ATP8A2: variants seen among roughly 807,000 people sequenced by gnomAD.
ATP8A2 encodes phospholipid-transporting ATPase IB.
In ATP8A2, 100 loss-of-function variants were observed where a neutral mutation model predicts 165.6. That is an observed-to-expected ratio of 0.60 (90% confidence interval 0.51 to 0.71). The LOEUF is 0.71. Ranked by LOEUF, ATP8A2 falls within the 30% of genes least tolerant of loss-of-function variation. The probability of loss-of-function intolerance (pLI) is 0.00; values close to 1 mark genes in which losing one functional copy is unlikely to be tolerated. For missense variants in ATP8A2, 1,227 were observed against 1,479.5 expected, an observed-to-expected ratio of 0.83 and a Z score of 2.80; for synonymous variants, 543 against 548.8, an observed-to-expected ratio of 0.99 and a Z score of 0.15.
chr13:26,012,449 C>T, intron 35 of ATP8A2, 82 bp from the exon 36 acceptor site: 2 of 1,146,770 alleles, frequency 1.7e-6, no homozygotes, highest in South Asian at 1.5e-5. Context: ...TCCCCCACCT[C>T]ATCCCACCCC....
chr13:25,772,386 G>A (rs2044641141), intron 26 of ATP8A2, among the ~76,000 whole-genome samples: 1 of 152,082 alleles, frequency 6.6e-6, no homozygotes, highest in Admixed American at 6.6e-5. Context: ...AACATCAGGG[G>A]GTCCCGGTCA....
intron 35 of ATP8A2, among the ~76,000 whole-genome samples, chr13:25,995,423 T>A (rs562742184): frequency 6.6e-6 from 1 of 151,850 alleles, no homozygotes; most frequent in East Asian, 1.9e-4. Flanking sequence ...TAATTTTTTT[T>A]AATATATAGA....
chr13:25,801,148 G>T (rs1950614167), intron 27 of ATP8A2, among the ~76,000 whole-genome samples: 1 of 152,150 alleles, frequency 6.6e-6, no homozygotes, highest in South Asian at 2.1e-4. Context: ...CATTTGCTGG[G>T]TAGAGTTTAT....
chr13:25,523,134 G>T (rs972295419), intron 2 of ATP8A2, among the ~76,000 whole-genome samples: 2 of 148,440 alleles, frequency 1.3e-5, no homozygotes, highest in Admixed American at 1.3e-4. Context: ...AAAAAAAAAA[G>T]AATTTTTTCA....
intron 25 of ATP8A2, among the ~76,000 whole-genome samples, chr13:25,753,276 C>T (rs2138206105): frequency 6.6e-6 from 1 of 152,324 alleles, no homozygotes; most frequent in Non-Finnish European, 1.5e-5. Context: ...TGTGGTTCCA[C>T]AGCTGCCCTT....
At chr13:25,490,604 C>A (rs2036496151) in intron 2 of ATP8A2, among the ~76,000 whole-genome samples, 1 of 152,194 alleles carries the variant, frequency 6.6e-6, no homozygotes, top group Non-Finnish European at 1.5e-5. Context: ...ACAATAAAAC[C>A]CACTAAAAGT....
intron 24 of ATP8A2, among the ~76,000 whole-genome samples, chr13:25,680,570 A>G (rs2042464877): frequency 6.6e-6 from 1 of 152,234 alleles, no homozygotes; most frequent in African/African-American, 2.4e-5. Context: ...AATGAAGGTC[A>G]TGGAGACCAG....
At chr13:25,849,109 G>A (rs1165600939) in intron 30 of ATP8A2, among the ~76,000 whole-genome samples, 1 of 152,144 alleles carries the variant, frequency 6.6e-6, no homozygotes, top group Non-Finnish European at 1.5e-5. Context: ...GAGAGGAAAA[G>A]CAGGAGAAAC....
Position 25,774,835 on chromosome 13 carries a change from T to C in ATP8A2, c.2569-14T>C. 6 of 1,514,330 alleles carry C rather than the reference T, an allele frequency of 4.0e-6. No homozygotes were observed. The highest frequency in any genetic ancestry group is 5.5e-6 in the Non-Finnish European group (6 of 1,090,828). 93.8% of individuals were successfully genotyped at this position (1,514,330 alleles called of 1,614,324 possible). A position where few individuals can be genotyped will look rare whatever the true frequency, so the allele number is the denominator to read the frequency against. On this transcript the variant is annotated splice_polypyrimidine_tract_variant and intron_variant, in intron 26 of 36. Coordinates refer to ENST00000381655, the MANE Select transcript of ATP8A2 (RefSeq NM_016529.6). Reference sequence around the variant, plus strand: ...TGATGGGCTCTTCTGAGCTTTGTAATTTTCCTTTTTCAGTTTTCCTACTTA... The same window carrying C: ...TGATGGGCTCTTCTGAGCTTTGTAACTTTCCTTTTTCAGTTTTCCTACTTA...
At chr13:25,761,784 G>C (rs2138249961) in intron 25 of ATP8A2, among the ~76,000 whole-genome samples, 1 of 151,928 alleles carries the variant, frequency 6.6e-6, no homozygotes, top group South Asian at 2.1e-4. Flanking sequence ...TGTTTGGTAA[G>C]CTGGTATTTA....
At chr13:25,990,261 T>TAAA (rs3056351) in intron 35 of ATP8A2, among the ~76,000 whole-genome samples, 12,157 of 108,010 alleles carry the variant, frequency 0.11, 869 homozygotes, top group Non-Finnish European at 0.16. Flanking sequence ...CATGTAACTG[T>TAAA]AAAAAAAAAA....
intron 25 of ATP8A2, among the ~76,000 whole-genome samples, chr13:25,733,609 C>T (rs1370406467): frequency 6.6e-6 from 1 of 152,174 alleles, no homozygotes; most frequent in African/African-American, 2.4e-5. Context: ...ATTTATTCTG[C>T]TCTTCATGCT....
chr13:25,774,816 G>T (rs1315649407), intron 26 of ATP8A2, 33 bp from the exon 27 acceptor site: 1 of 1,242,116 alleles, frequency 8.1e-7, no homozygotes, highest in African/African-American at 1.5e-5. Context: ...TCAATGATGG[G>T]CTCTTCTGAG....
intron 2 of ATP8A2, among the ~76,000 whole-genome samples, chr13:25,470,058 CT>C (rs982108644): frequency 1.3e-5 from 2 of 152,070 alleles, no homozygotes; most frequent in Non-Finnish European, 2.9e-5. Context: ...ATCCAGTGTT[CT>C]TTTTTGGAAG....
chr13:25,537,890 A>G (rs532116104), intron 6 of ATP8A2, 98 bp from the exon 7 acceptor site: 166 of 731,084 alleles, frequency 2.3e-4, no homozygotes, highest in African/African-American at 1.2e-3. Context: ...GCTTAGTTAT[A>G]TAATAATTTT....
intron 26 of ATP8A2, among the ~76,000 whole-genome samples, chr13:25,773,708 A>T (rs2044676931): frequency 1.3e-5 from 2 of 152,078 alleles, no homozygotes; most frequent in Admixed American, 1.3e-4. Flanking sequence ...GTGTCTTAGT[A>T]TATCTATGTG....
At chr13:25,441,975 C>G (rs117347415) in intron 1 of ATP8A2, among the ~76,000 whole-genome samples, 3,448 of 152,298 alleles carry the variant, frequency 0.023, 74 homozygotes, top group South Asian at 0.039. Flanking sequence ...TTTGACTACT[C>G]TAAGTACCTC....
intron 25 of ATP8A2, among the ~76,000 whole-genome samples, chr13:25,768,076 T>TGGGGGGGGGGG (rs397942177): frequency 1.6e-4 from 8 of 49,292 alleles, no homozygotes; most frequent in African/African-American, 2.8e-4. Flanking sequence ...TGTGGTGGCG[T>TGGGGGGGGGGG]GGGGGGGGGG....
intron 1 of ATP8A2, among the ~76,000 whole-genome samples, chr13:25,442,101 T>C (rs987699613): frequency 2.0e-5 from 3 of 152,244 alleles, no homozygotes; most frequent in Non-Finnish European, 4.4e-5. Context: ...TGTTTCATTG[T>C]ATGTATAGAC....
Sources: allele counts gnomAD v4.1 joint callset (sites outside exome capture counted in the v4.1 genomes callset), GRCh38; gene constraint gnomAD v4.1.1; transcripts MANE v1.5; gene names NCBI Gene and HGNC (gene_info 2026-07-23, HGNC 2026-07-21).